The following CUX2 variants were observed in gnomAD, a reference collection of about 807,000 sequenced individuals.
CUX2 encodes the protein cut like homeobox 2.
In CUX2, 40 loss-of-function variants were observed where a neutral mutation model predicts 144.8. The observed-to-expected ratio is 0.28, with a 90% CI of 0.21 to 0.36. The LOEUF (loss-of-function observed/expected upper bound fraction) is 0.36. Ranked by LOEUF, CUX2 falls within the 10% of genes least tolerant of loss-of-function variation. The probability of loss-of-function intolerance (pLI) is 1.00; values close to 1 mark genes in which losing one functional copy is unlikely to be tolerated. For synonymous variants in CUX2, 827 were observed against 875.6 expected (o/e 0.94, Z 0.98); for missense variants, 1,615 against 1,994.0 (o/e 0.81, Z 3.62).
At chr12:111,311,702 G>C (rs1281550329) in intron 15 of CUX2, among the ~76,000 whole-genome samples, 1 of 150,874 alleles carries the variant, frequency 6.6e-6, no homozygotes, top group Non-Finnish European at 1.5e-5. Flanking sequence ...GGGTTCAAGC[G>C]ATTCTCCTGC....
intron 16 of CUX2, among the ~76,000 whole-genome samples, chr12:111,317,567 C>T (rs1887263183): frequency 6.6e-6 from 1 of 152,188 alleles, no homozygotes; most frequent in Admixed American, 6.6e-5. Flanking sequence ...CCATCCCACC[C>T]CTGCCTTCCT....
rs1293085566 is a variant in CUX2 at position 111,322,314 on chromosome 12, T to A, written c.2767-107T>A. 70 of 1,152,180 alleles carry A rather than the reference T, an allele frequency of 6.1e-5. No individual in the cohort carries two copies. Among genetic ancestry groups the A allele is most frequent in the Non-Finnish European group, 7.9e-5 (69 of 869,062 alleles). 71.4% of individuals were successfully genotyped at this position (1,152,180 alleles called of 1,614,324 possible). On this transcript the variant is annotated intron_variant, in intron 17 of 21. Transcript: ENST00000261726. This position sits in a 1 kb window ranked among gnomAD's most constrained non-coding sequence, Gnocchi z 4.2. ...TCCTGGGCGACAGACAAAGCGAGAC[T>A]CTGCCTCAAAAAAAAAAAAAAAAAA...
intron 1 of CUX2, among the ~76,000 whole-genome samples, chr12:111,210,778 CAA>C (rs958807130): frequency 1.3e-5 from 2 of 150,032 alleles, no homozygotes; most frequent in Non-Finnish European, 3.0e-5. Flanking sequence ...GCCTAGGTGA[CAA>C]GAGTGAGACC....
rs201533796 is a variant in CUX2, at chr12:111,111,861, AGAAAT to A, written c.63+77626_63+77630del. On this transcript the variant is annotated intron_variant, in intron 1 of 21. Transcript: ENST00000261726. ...AGGCAAATTTGCCTTTAAAAAAAAAAGAAATGAAAGCTTTGAACTTGCAGAAGCCT... is the reference window on the plus strand; with the variant it reads ...AGGCAAATTTGCCTTTAAAAAAAAAAGAAAGCTTTGAACTTGCAGAAGCCT... 4.7e-3 allele frequency among the ~76,000 whole-genome samples: 717 copies of A among 152,246 alleles called. 10 individuals are homozygous for A. Among genetic ancestry groups the A allele is most frequent in the African/African-American group, 0.016 (675 of 41,520 alleles).
At chr12:111,308,576 G>A (rs779324066) in intron 14 of CUX2, 50 bp downstream of exon 14, 29 of 1,502,524 alleles carry the variant, frequency 1.9e-5, no homozygotes, top group Non-Finnish European at 2.5e-5. Flanking sequence ...GGGGCTGCCT[G>A]TGGGTCTCTG....
chr12:111,088,297 C>T (rs556113564), intron 1 of CUX2, among the ~76,000 whole-genome samples: 2 of 152,168 alleles, frequency 1.3e-5, no homozygotes, highest in East Asian at 3.9e-4. Flanking sequence ...AAGAGATCTC[C>T]CTGTGTTCTT....
chr12:111,168,365 C>G (rs947287626), intron 1 of CUX2, among the ~76,000 whole-genome samples: 3 of 152,280 alleles, frequency 2.0e-5, no homozygotes, highest in Admixed American at 6.5e-5. Flanking sequence ...GTCACCTGTC[C>G]CCTGCAGATT....
chr12:111,135,340 A>G (rs193252261), intron 1 of CUX2, among the ~76,000 whole-genome samples: 5 of 152,322 alleles, frequency 3.3e-5, no homozygotes, highest in East Asian at 1.9e-4. Flanking sequence ...CCATGAGGAT[A>G]TCGGGGAAAG....
rs1884960138 is a variant in CUX2 at position 111,277,987 on chromosome 12, C to T, written c.302-13431C>T. On this transcript the variant is annotated intron_variant, in intron 4 of 21. Coordinates refer to ENST00000261726, the MANE Select transcript of CUX2 (RefSeq NM_015267.4). The surrounding 1 kb of genome is among the most constrained non-coding windows in gnomAD (Gnocchi z 5.0). Reference sequence around the variant, plus strand: ...GTCATTTCCTTGTCTTTTCCACCTTCTCGGGCTGGGGCTGCCTATGTTCCT... The same window carrying T: ...GTCATTTCCTTGTCTTTTCCACCTTTTCGGGCTGGGGCTGCCTATGTTCCT... Among the ~76,000 whole-genome samples, 1 of 152,212 alleles carries T rather than the reference C, an allele frequency of 6.6e-6. No homozygotes were observed. The highest frequency in any genetic ancestry group is 1.5e-5 in the Non-Finnish European group (1 of 68,046).
At chr12:111,276,943 G>A (rs549543044) in intron 4 of CUX2, among the ~76,000 whole-genome samples, 4 of 152,128 alleles carry the variant, frequency 2.6e-5, no homozygotes, top group East Asian at 1.9e-4. Context: ...CACCGCACCC[G>A]GCCAGTTGTT....
intron 1 of CUX2, among the ~76,000 whole-genome samples, chr12:111,142,552 A>C (rs1311615133): frequency 6.6e-6 from 1 of 151,562 alleles, no homozygotes; most frequent in African/African-American, 2.4e-5. Flanking sequence ...AAAAAACAGA[A>C]ATGGGCTTGT....
intron 7 of CUX2, 88 bp from the exon 8 acceptor site, chr12:111,296,385 C>T (rs1203677246): frequency 1.4e-5 from 17 of 1,200,726 alleles, no homozygotes; most frequent in South Asian, 4.1e-5. Flanking sequence ...TGCTGGGCTT[C>T]GCAGAAGGAG....
intron 3 of CUX2, among the ~76,000 whole-genome samples, chr12:111,251,945 C>T (rs1883582420): frequency 6.6e-6 from 1 of 152,106 alleles, no homozygotes; most frequent in Non-Finnish European, 1.5e-5. Context: ...TTTAGGAGGT[C>T]AAGGCAGGAG....
At chr12:111,245,520 G>T (rs1246933142) in intron 3 of CUX2, among the ~76,000 whole-genome samples, 1 of 151,930 alleles carries the variant, frequency 6.6e-6, no homozygotes, top group Non-Finnish European at 1.5e-5. Flanking sequence ...TACTCCAGAG[G>T]CTGAGGTGGG....
At chr12:111,154,140 C>T (rs1488342985) in intron 1 of CUX2, among the ~76,000 whole-genome samples, 12 of 151,898 alleles carry the variant, frequency 7.9e-5, no homozygotes, top group Admixed American at 7.9e-4. Flanking sequence ...TGTGGCAACA[C>T]AGTTCAGCTC....
Position 111,310,706 on chromosome 12 carries a change from C to A in CUX2, c.1900+24C>A. The stretch of plus-strand genomic sequence containing the variant: ...AGGTGAGTGCCCAAGAGGGCCCGTC[C>A]CCGCTGGCCACCACGCCAGGTCCAG... On this transcript the variant is annotated intron_variant, in intron 15 of 21. Transcript: ENST00000261726. The surrounding 1 kb of genome is among the most constrained non-coding windows in gnomAD (Gnocchi z 7.9). 6.4e-7 allele frequency: 1 copy of A among 1,559,148 alleles called. No homozygotes were observed. The highest frequency in any genetic ancestry group is 8.7e-7 in the Non-Finnish European group (1 of 1,147,692).
intron 3 of CUX2, among the ~76,000 whole-genome samples, chr12:111,225,604 G>C (rs1011038247): frequency 6.6e-6 from 1 of 152,222 alleles, no homozygotes; most frequent in Non-Finnish European, 1.5e-5. Flanking sequence ...CCTCAGCTTG[G>C]AGGGCCAAAC....
At chr12:111,329,362 C>G (rs956610713) in intron 18 of CUX2, among the ~76,000 whole-genome samples, 1 of 151,928 alleles carries the variant, frequency 6.6e-6, no homozygotes, top group African/African-American at 2.4e-5. Flanking sequence ...TCACATGTGA[C>G]TCCCCCAGCC....
chr12:111,069,535 T>TGTGTGTGTGTGTGTGTGCGCGCGCGC (rs1566199161), intron 1 of CUX2, among the ~76,000 whole-genome samples: 5 of 148,562 alleles, frequency 3.4e-5, no homozygotes, highest in African/African-American at 5.2e-5. Context: ...TGTGTGTGTG[T>TGTGTGTGTGTGTGTGTGCGCGCGCGC]GTGTGTGTGT....
Sources: allele counts gnomAD v4.1 joint callset (sites outside exome capture counted in the v4.1 genomes callset), GRCh38; gene constraint gnomAD v4.1.1; non-coding constraint Gnocchi (gnomAD v3.1); transcripts MANE v1.5; gene names NCBI Gene and HGNC (gene_info 2026-07-23, HGNC 2026-07-21).